CACNA1D: variants seen among roughly 807,000 people sequenced by gnomAD.
CACNA1D encodes calcium voltage-gated channel subunit alpha1 D.
A neutral mutation model predicts 257.1 loss-of-function variants in CACNA1D; 55 were observed. That is an observed-to-expected ratio of 0.21 (90% confidence interval 0.17 to 0.27). The LOEUF (loss-of-function observed/expected upper bound fraction) is 0.27. Ranked by LOEUF, CACNA1D falls within the 10% of genes least tolerant of loss-of-function variation. The pLI, the probability that CACNA1D is intolerant of heterozygous loss-of-function variation, is 1.00. For synonymous variants in CACNA1D, 980 were observed against 1,014.9 expected (o/e 0.97, Z 0.65); for missense variants, 1,876 against 2,784.0 (o/e 0.67, Z 7.34).
In CACNA1D at chr3:53,800,196, G is replaced by T; in HGVS notation, c.4924-53G>T. ...AAGGAGCAAAGCCAGGACCCAGGCT[G>T]GCCCCAGGGCCCATGTGTGGTCTAA... On this transcript the variant is annotated intron_variant, in intron 40 of 47. Transcript: ENST00000350061. The surrounding 1 kb of genome is among the most constrained non-coding windows in gnomAD (Gnocchi z 4.3). 1 of 1,270,302 alleles carries T rather than the reference G, an allele frequency of 7.9e-7. No individual in the cohort carries two copies. Among genetic ancestry groups the T allele is most frequent in the South Asian group, 1.2e-5 (1 of 84,182 alleles). The allele number at this position is 1,270,302 out of a possible 1,614,324, so 78.7% of individuals were successfully genotyped here. A position where few individuals can be genotyped will look rare whatever the true frequency, so the allele number is the denominator to read the frequency against.
chr3:53,587,308 G>A (rs1198190226), intron 3 of CACNA1D, among the ~76,000 whole-genome samples: 1 of 152,110 alleles, frequency 6.6e-6, no homozygotes, highest in Non-Finnish European at 1.5e-5. Context: ...GGTGTAGAAG[G>A]GACAGCAGCT....
chr3:53,576,291 G>C (rs2093036833), intron 3 of CACNA1D, among the ~76,000 whole-genome samples: 1 of 152,210 alleles, frequency 6.6e-6, no homozygotes, highest in African/African-American at 2.4e-5. Context: ...TCATAGGTCA[G>C]TTTGCTTTCT....
In CACNA1D at chr3:53,718,650, T is replaced by C. The variant is rs374985256; in HGVS notation, c.1478+262T>C. 19 of 1,379,062 alleles carry C rather than the reference T, an allele frequency of 1.4e-5. No homozygotes were observed. In the African/African-American group the frequency reaches 3.1e-4, roughly 22 times the overall value. The allele number at this position is 1,379,062 out of a possible 1,614,324, so 85.4% of individuals were successfully genotyped here. A position where few individuals can be genotyped will look rare whatever the true frequency, so the allele number is the denominator to read the frequency against. On this transcript the variant is annotated intron_variant, in intron 10 of 47. Coordinates refer to ENST00000350061, the MANE Select transcript of CACNA1D (RefSeq NM_001128840.3). The stretch of plus-strand genomic sequence containing the variant: ...TAAGTAGAGCCCGTGAAGAATGTGG[T>C]GGTTAACCTGGCCACCTGCTGTGTC...
rs550751878 is a variant in CACNA1D, at chr3:53,673,994, C to T, written c.1220+868C>T. Reference sequence around the variant, plus strand: ...CTGCCTGTATCTGTCTGTGAGATTCCGTGTTTCCAATGCTTGCCAAACACT... The same window carrying T: ...CTGCCTGTATCTGTCTGTGAGATTCTGTGTTTCCAATGCTTGCCAAACACT... On this transcript the variant is annotated intron_variant, in intron 8 of 47. Coordinates refer to ENST00000350061, the MANE Select transcript of CACNA1D (RefSeq NM_001128840.3). The surrounding 1 kb of genome is among the most constrained non-coding windows in gnomAD (Gnocchi z 4.1). 1.6e-4 allele frequency: 111 copies of T among 680,804 alleles called. 1 individual carries two copies. The highest frequency in any genetic ancestry group is 1.4e-3 in the South Asian group (85 of 62,154). The allele number at this position is 680,804 out of a possible 1,614,324, so 42.2% of individuals were successfully genotyped here. A position where few individuals can be genotyped will look rare whatever the true frequency, so the allele number is the denominator to read the frequency against.
intron 9 of CACNA1D, among the ~76,000 whole-genome samples, chr3:53,704,026 G>A (rs1258387519): frequency 6.6e-6 from 1 of 152,188 alleles, no homozygotes; most frequent in Non-Finnish European, 1.5e-5. Context: ...CTAGCGTGAG[G>A]GAGGCGTGGA....
chr3:53,578,608 CT>C (rs1386571468), intron 3 of CACNA1D, among the ~76,000 whole-genome samples: 1 of 152,022 alleles, frequency 6.6e-6, no homozygotes, highest in Non-Finnish European at 1.5e-5. Flanking sequence ...TCCTGGGTTT[CT>C]GGAGGCGGAG....
intron 3 of CACNA1D, among the ~76,000 whole-genome samples, chr3:53,549,969 A>G (rs1350886226): frequency 1.3e-5 from 2 of 152,168 alleles, no homozygotes; most frequent in African/African-American, 4.8e-5. Flanking sequence ...AGTTCTGCAA[A>G]TCCATATAGG....
chr3:53,731,220 C>A, intron 17 of CACNA1D, 74 bp downstream of exon 17: 2 of 951,366 alleles, frequency 2.1e-6, no homozygotes, highest in Non-Finnish European at 3.5e-6. Context: ...GTACCATTTA[C>A]ACTGTGGAAG....
chr3:53,642,105 A>G (rs1376275230), intron 3 of CACNA1D, among the ~76,000 whole-genome samples: 7 of 152,172 alleles, frequency 4.6e-5, no homozygotes, highest in Non-Finnish European at 1.0e-4. Context: ...GGAATTTTTG[A>G]CTTCAGGCTC....
intron 9 of CACNA1D, 37 bp from the exon 10 acceptor site, chr3:53,718,264 C>T (rs1339831505): frequency 6.4e-7 from 1 of 1,568,346 alleles, no homozygotes; most frequent in East Asian, 2.2e-5. Flanking sequence ...GTGCAGTGTG[C>T]CCCGCATGCT....
chr3:53,776,807 AGTTCGGGCCAGCTG>A, intron 36 of CACNA1D, 39 bp from the exon 37 acceptor site: 1 of 1,613,284 alleles, frequency 6.2e-7, no homozygotes. Context: ...GTGGACTGAA[AGTTCGGGCCAGCTG>A]GTACTGTTCC....
chr3:53,799,878 G>C (rs2095527285), intron 40 of CACNA1D: 1 of 340,098 alleles, frequency 2.9e-6, no homozygotes, highest in Non-Finnish European at 5.7e-6. Context: ...GCCCTGCTCT[G>C]GGCTTGGAGA....
At chr3:53,782,857 A>T (rs2095433481) in intron 39 of CACNA1D, 1 of 152,048 alleles carries the variant, frequency 6.6e-6, no homozygotes, top group South Asian at 2.1e-4. Flanking sequence ...ATTTAAAACA[A>T]CTCCTTGGTT....
rs555990510 is a variant in CACNA1D, at chr3:53,697,421, A to G, written c.1221-5220A>G. Among the ~76,000 whole-genome samples the G allele has an allele frequency of 2.6e-5, 4 of 152,356 alleles. No homozygotes were observed. In the South Asian group the frequency reaches 6.2e-4, roughly 24 times the overall value. On this transcript the variant is annotated intron_variant, in intron 8 of 47. Coordinates refer to ENST00000350061, the MANE Select transcript of CACNA1D (RefSeq NM_001128840.3). ...GAAATAGAGACATGGGAAGAAATAC[A>G]TGAGAAATGGACAGACAACATTGTC...
rs1364183804 is a variant in CACNA1D at position 53,637,116 on chromosome 3, A to G, written c.484-13663A>G. Among the ~76,000 whole-genome samples the G allele has an allele frequency of 4.6e-5, 7 of 152,180 alleles. No individual in the cohort carries two copies. The South Asian group carries it at 6.2e-4, about 13-fold the overall frequency. On this transcript the variant is annotated intron_variant, in intron 3 of 47. Transcript: ENST00000350061. ...CTGATTTTAAAGTAAAAGATGCTCA[A>G]TGGGAAAAGCTCACACAAATCAGAG...
At chr3:53,720,530 A>T (rs957791620) in intron 11 of CACNA1D, among the ~76,000 whole-genome samples, 1 of 152,252 alleles carries the variant, frequency 6.6e-6, no homozygotes, top group Non-Finnish European at 1.5e-5. Flanking sequence ...TATCCCATAT[A>T]TATAAAGATT....
intron 3 of CACNA1D, among the ~76,000 whole-genome samples, chr3:53,649,503 C>T (rs1185204674): frequency 6.6e-6 from 1 of 152,044 alleles, no homozygotes; most frequent in Admixed American, 6.6e-5. Flanking sequence ...TCTGTGTGTA[C>T]ATTCAAAACT....
intron 8 of CACNA1D, among the ~76,000 whole-genome samples, chr3:53,680,056 C>T (rs1170278283): frequency 6.6e-6 from 1 of 152,186 alleles, no homozygotes; most frequent in Non-Finnish European, 1.5e-5. Context: ...ACAGCTGGAT[C>T]CTGGTGCTGT....
At chr3:53,768,299 C>T (rs890091026) in intron 30 of CACNA1D, among the ~76,000 whole-genome samples, 58 of 152,240 alleles carry the variant, frequency 3.8e-4, no homozygotes, top group African/African-American at 1.3e-3. Context: ...ACTGTAGAGC[C>T]GTCTCTCTCG....
Sources: allele counts gnomAD v4.1 joint callset (sites outside exome capture counted in the v4.1 genomes callset), GRCh38; gene constraint gnomAD v4.1.1; non-coding constraint Gnocchi (gnomAD v3.1); transcripts MANE v1.5; gene names NCBI Gene and HGNC (gene_info 2026-07-23, HGNC 2026-07-21).